ENOSF1: variants seen among roughly 807,000 people sequenced by gnomAD.
ENOSF1 encodes mitochondrial enolase superfamily member 1.
In ENOSF1, 73 loss-of-function variants were observed where a neutral mutation model predicts 68.2. The ratio of observed to expected loss-of-function variants is 1.07; its 90% CI spans 0.89 to 1.30. The LOEUF is 1.30. Ranked by LOEUF, ENOSF1 falls within the 50% of genes most tolerant of loss-of-function variation. The probability of loss-of-function intolerance (pLI) is 0.00; values close to 1 mark genes in which losing one functional copy is unlikely to be tolerated. For synonymous variants in ENOSF1, 223 were observed against 210.4 expected, an observed-to-expected ratio of 1.06 and a Z score of -0.52; for missense variants, 589 against 554.5, an observed-to-expected ratio of 1.06 and a Z score of -0.62.
chr18:701,333 C>T (rs1276275368), intron 2 of ENOSF1, among the ~76,000 whole-genome samples: 1 of 151,976 alleles, frequency 6.6e-6, no homozygotes, highest in Non-Finnish European at 1.5e-5. Flanking sequence ...CCAAGTGGGC[C>T]ACTCTGGGCA....
At chr18:691,780 A>G (rs2612085) in intron 5 of ENOSF1, 55,071 of 154,130 alleles carry the variant, frequency 0.36, 10,199 homozygotes, top group African/African-American at 0.39. Context: ...GAAGCCCTCA[A>G]ACGCTCATGC....
At chr18:677,670 G>T in intron 13 of ENOSF1, 73 bp downstream of exon 13, 1 of 1,535,414 alleles carries the variant, frequency 6.5e-7, no homozygotes, top group Non-Finnish European at 8.7e-7. Context: ...CATGTGAATT[G>T]CAAACCATCA....
intron 10 of ENOSF1, among the ~76,000 whole-genome samples, chr18:684,814 GCT>G (rs996118728): frequency 3.3e-5 from 5 of 151,996 alleles, no homozygotes; most frequent in Non-Finnish European, 7.4e-5. Context: ...AGTGATAAGA[GCT>G]CTCTCCCAGG....
chr18:666,357 C>T (rs2074815951), downstream of ENOSF1, among the ~76,000 whole-genome samples: 1 of 152,026 alleles, frequency 6.6e-6, no homozygotes, highest in Admixed American at 6.6e-5. Context: ...GGTGGCGCTG[C>T]TGTGAAGCGC....
intron 14 of ENOSF1, among the ~76,000 whole-genome samples, chr18:675,786 A>G (rs1242381373): frequency 6.6e-6 from 1 of 151,450 alleles, no homozygotes; most frequent in East Asian, 2.0e-4. Context: ...GTATTTTTTC[A>G]CATGGCTGCA....
intron 1 of ENOSF1, among the ~76,000 whole-genome samples, chr18:708,022 G>GA (rs2079119307): frequency 8.9e-6 from 1 of 112,082 alleles, no homozygotes; most frequent in African/African-American, 3.2e-5. Flanking sequence ...ACTATGACCA[G>GA]CTTTTTTTTT....
downstream of ENOSF1, among the ~76,000 whole-genome samples, chr18:666,722 A>G (rs1303552128): frequency 6.6e-6 from 1 of 152,260 alleles, no homozygotes; most frequent in Non-Finnish European, 1.5e-5. Flanking sequence ...GATCTGTTAA[A>G]TGTTAGCAAC....
chr18:702,196 T>G (rs2186899), intron 2 of ENOSF1, among the ~76,000 whole-genome samples: 90,379 of 145,298 alleles, frequency 0.62, 28,451 homozygotes, highest in African/African-American at 0.76. Context: ...CCTGGGAGGT[T>G]GTTGTTGCAG....
At chr18:683,513 G>T in intron 10 of ENOSF1, 133 bp from the exon 11 acceptor site, 1 of 998,866 alleles carries the variant, frequency 1.0e-6, no homozygotes, top group Non-Finnish European at 1.5e-6. Context: ...CCTCTGCTGA[G>T]GCCCAGCACA....
chr18:679,210 T>TC (rs2075834743), intron 11 of ENOSF1, among the ~76,000 whole-genome samples: 1 of 63,056 alleles, frequency 1.6e-5, no homozygotes, highest in South Asian at 6.5e-4. Context: ...TCTCATATCT[T>TC]TTTTTTTTTT....
chr18:678,605 T>C (rs1170851127), intron 12 of ENOSF1, 91 bp downstream of exon 12: 13 of 1,280,522 alleles, frequency 1.0e-5, no homozygotes, highest in Non-Finnish European at 1.5e-5. Flanking sequence ...CAGCAGGTGA[T>C]GGAGCCTAAC....
intron 7 of ENOSF1, 33 bp from the exon 8 acceptor site, chr18:690,664 C>T: frequency 6.3e-7 from 1 of 1,576,240 alleles, no homozygotes; most frequent in Non-Finnish European, 8.6e-7. Context: ...ACATTTTGCA[C>T]TTTCCAGGGC....
rs1343036652 is a variant in ENOSF1 at position 712,592 on chromosome 18, C to T, written c.-5G>A. ...GGAGATCCTGCCGCGCACCATGGCCCCTGCGCCCCGTGGCCGCGGCCCCCG... is the reference window on the plus strand; with the variant it reads ...GGAGATCCTGCCGCGCACCATGGCCTCTGCGCCCCGTGGCCGCGGCCCCCG... On this transcript the variant is annotated 5_prime_UTR_variant, in exon 1 of 16. Coordinates refer to ENST00000647584, the MANE Select transcript of ENOSF1 (RefSeq NM_017512.7). 1.3e-6 allele frequency: 2 copies of T among 1,533,994 alleles called. No individual in the cohort carries two copies. Among genetic ancestry groups the T allele is most frequent in the Non-Finnish European group, 1.7e-6 (2 of 1,144,282 alleles).
rs550928704 is a variant in ENOSF1 at position 673,862 on chromosome 18, G to A, written c.*443C>T. The A allele has an allele frequency of 6.5e-6, 1 of 152,772 alleles. No homozygotes were observed. Among genetic ancestry groups the A allele is most frequent in the Non-Finnish European group, 1.5e-5 (1 of 68,784 alleles). The allele number at this position is 152,772 out of a possible 1,614,324, so 9.5% of individuals were successfully genotyped here. ...CAAGGAAAAGATGCAAAACCACTTC[G>A]GGGTTAATCAGTGAAATATTTTTCC... On this transcript the variant is annotated 3_prime_UTR_variant, in exon 16 of 16. Coordinates refer to ENST00000647584, the MANE Select transcript of ENOSF1 (RefSeq NM_017512.7).
rs757484292 is a variant in ENOSF1, at chr18:670,798, C to T, written c.*3507G>A. On this transcript the variant is annotated 3_prime_UTR_variant, in exon 16 of 16. Coordinates refer to ENST00000647584, the MANE Select transcript of ENOSF1 (RefSeq NM_017512.7). ...ACCAGAGATCGGGAGACATGGGCCT[C>T]GGTGTGCCTTTCAACATCGCCAGCT... The T allele has an allele frequency of 4.3e-5, 69 of 1,613,946 alleles. No homozygotes were observed. Among genetic ancestry groups the T allele is most frequent in the Admixed American group, 6.7e-5 (4 of 59,992 alleles).
At chr18:665,227 TCTTC>T in the ENOSF1 span, among the ~76,000 whole-genome samples, 1 of 151,092 alleles carries the variant, frequency 6.6e-6, no homozygotes, top group African/African-American at 2.4e-5. Flanking sequence ...AGATTCAACT[TCTTC>T]CTGGTTTAGT....
chr18:669,054 T>G (rs1005928064), downstream of ENOSF1: 8 of 1,607,352 alleles, frequency 5.0e-6, no homozygotes, highest in South Asian at 1.1e-5. Flanking sequence ...CTGTCCTCTC[T>G]TTTTGACAAT....
chr18:677,262 G>A, intron 14 of ENOSF1, 83 bp downstream of exon 14: 2 of 1,147,582 alleles, frequency 1.7e-6, no homozygotes, highest in Non-Finnish European at 2.6e-6. Context: ...AGTGTGTTCT[G>A]GTCATGAAGG....
intron 3 of ENOSF1, 54 bp from the exon 4 acceptor site, chr18:694,388 G>A (rs1598705792): frequency 1.3e-6 from 2 of 1,536,644 alleles, no homozygotes; most frequent in East Asian, 2.3e-5. Flanking sequence ...AAGAGGGCTG[G>A]GTGTGATGGC....
Sources: gnomAD v4.1 joint callset for allele counts (sites outside exome capture counted in the v4.1 genomes callset) on GRCh38, gnomAD v4.1.1 for gene constraint, MANE v1.5 for transcripts, NCBI Gene and HGNC (gene_info 2026-07-23, HGNC 2026-07-21) for gene names.